NOXRED1: variants seen among roughly 807,000 people sequenced by gnomAD.
The protein encoded by NOXRED1 is NADP-dependent oxidoreductase domain-containing protein 1.
NOXRED1 carries 20 observed loss-of-function variants against 30.4 expected under a neutral mutation model. That is an observed-to-expected ratio of 0.66 (90% CI 0.46 to 0.96). The LOEUF (loss-of-function observed/expected upper bound fraction) is 0.96. NOXRED1 is among the 40% of genes least tolerant of loss of function. The pLI, the probability that NOXRED1 is intolerant of heterozygous loss-of-function variation, is 0.00. For synonymous variants in NOXRED1, 155 were observed against 168.0 expected (o/e 0.92, Z 0.60); for missense variants, 374 against 428.0 (o/e 0.87, Z 1.11).
At chr14:77,408,584 AG>A (rs1894547889) in intron 2 of NOXRED1, among the ~76,000 whole-genome samples, 1 of 152,140 alleles carries the variant, frequency 6.6e-6, no homozygotes, top group Non-Finnish European at 1.5e-5. Context: ...TAATGTACAA[AG>A]GACTTTACAG....
rs749002413 is a variant in NOXRED1 at position 77,405,994 on chromosome 14, CCA to C, written c.822_823del (p.Cys274TrpfsTer34). On this transcript the variant is annotated frameshift_variant, in exon 5 of 6. Coordinates refer to ENST00000380835, the MANE Select transcript of NOXRED1 (RefSeq NM_001113475.3). LOFTEE classifies it high-confidence loss of function. ...CTTTGGGCAAGATGCTGTGTCTTTC[CCA>C]CAGTCTTCAAAGTGCACGGAGAGAA... is the stretch of plus-strand genomic sequence containing the variant. 2 of 1,613,732 alleles carry C rather than the reference CCA, an allele frequency of 1.2e-6. No homozygotes were observed. The highest frequency in any genetic ancestry group is 4.5e-5 in the East Asian group (2 of 44,872).
chr14:77,416,456 C>A (rs1295866853), intron 1 of NOXRED1, among the ~76,000 whole-genome samples: 2 of 152,078 alleles, frequency 1.3e-5, no homozygotes, highest in Non-Finnish European at 2.9e-5. Context: ...CATCTTGCAC[C>A]GCCCTTAATC....
chr14:77,399,232 A>C (rs569068526), intron 5 of NOXRED1, among the ~76,000 whole-genome samples: 26 of 152,206 alleles, frequency 1.7e-4, no homozygotes, highest in African/African-American at 5.8e-4. Context: ...CCGAGGTGGG[A>C]GGATTGTTTG....
At chr14:77,401,180 C>T (rs1254463154) in intron 5 of NOXRED1, among the ~76,000 whole-genome samples, 1 of 151,966 alleles carries the variant, frequency 6.6e-6, no homozygotes, top group African/African-American at 2.4e-5. Flanking sequence ...TGAGACCAGC[C>T]TGGCCAACAT....
intron 1 of NOXRED1, among the ~76,000 whole-genome samples, chr14:77,421,430 C>A (rs1894989441): frequency 3.3e-5 from 5 of 152,188 alleles, no homozygotes; most frequent in Admixed American, 3.3e-4. Flanking sequence ...GATGTGAGTG[C>A]ATTCCTTTCC....
intron 5 of NOXRED1, among the ~76,000 whole-genome samples, chr14:77,399,297 T>TA (rs1409329385): frequency 6.6e-6 from 1 of 151,394 alleles, no homozygotes; most frequent in Non-Finnish European, 1.5e-5. Flanking sequence ...CTACAAATAA[T>TA]AAAAAAAACT....
At chr14:77,420,198 A>G (rs1894950334) in intron 1 of NOXRED1, among the ~76,000 whole-genome samples, 1 of 152,094 alleles carries the variant, frequency 6.6e-6, no homozygotes, top group Non-Finnish European at 1.5e-5. Flanking sequence ...AATTTCAAAT[A>G]ACTGGTCTTC....
intron 2 of NOXRED1, among the ~76,000 whole-genome samples, chr14:77,409,054 T>A (rs176770): frequency 1 from 151,998 of 152,000 alleles, 75,998 homozygotes; most frequent in Middle Eastern, 1. Flanking sequence ...CCTAAAGTGT[T>A]CACTCACATC....
At chr14:77,419,270 A>C (rs1217073350) in intron 1 of NOXRED1, among the ~76,000 whole-genome samples, 15 of 150,722 alleles carry the variant, frequency 1.0e-4, no homozygotes, top group African/African-American at 3.7e-4. Flanking sequence ...ACAGGGTTTC[A>C]CCACGTTGGC....
chr14:77,409,749 T>C (rs183338392), intron 2 of NOXRED1, among the ~76,000 whole-genome samples: 5 of 152,262 alleles, frequency 3.3e-5, no homozygotes, highest in Admixed American at 2.6e-4. Context: ...AGAATATATA[T>C]ACTTTGTTGA....
At chr14:77,420,503 T>A (rs1324269307) in intron 1 of NOXRED1, among the ~76,000 whole-genome samples, 1 of 151,816 alleles carries the variant, frequency 6.6e-6, no homozygotes, top group Non-Finnish European at 1.5e-5. Context: ...CTGTAATTTG[T>A]AATTTGTAAT....
At chr14:77,412,753 T>C (rs1274743547) in intron 2 of NOXRED1, among the ~76,000 whole-genome samples, 1 of 152,164 alleles carries the variant, frequency 6.6e-6, no homozygotes, top group Non-Finnish European at 1.5e-5. Flanking sequence ...CCTCAGGTGA[T>C]CTGCCCACCT....
chr14:77,398,187 C>T (rs1007998320), intron 5 of NOXRED1, among the ~76,000 whole-genome samples: 1 of 152,092 alleles, frequency 6.6e-6, no homozygotes, highest in Non-Finnish European at 1.5e-5. Context: ...TCAGAGTGGA[C>T]AAGTCTGAGA....
intron 5 of NOXRED1, among the ~76,000 whole-genome samples, chr14:77,405,168 G>A (rs996553867): frequency 2.0e-5 from 3 of 152,214 alleles, no homozygotes; most frequent in African/African-American, 7.2e-5. Flanking sequence ...GCCAAGGCGG[G>A]CGGATCACTT....
intron 2 of NOXRED1, among the ~76,000 whole-genome samples, chr14:77,412,941 C>G (rs538508920): frequency 3.0e-3 from 462 of 151,822 alleles, no homozygotes; most frequent in Non-Finnish European, 4.8e-3. Flanking sequence ...AGGAAATAAC[C>G]CGAGTAGATT....
At chr14:77,419,763 T>A (rs1396763498) in intron 1 of NOXRED1, among the ~76,000 whole-genome samples, 1 of 152,076 alleles carries the variant, frequency 6.6e-6, no homozygotes, top group East Asian at 1.9e-4. Context: ...GTTTTTTTTT[T>A]CTTTCCCCTT....
At chr14:77,417,932 G>T (rs924495058) in intron 1 of NOXRED1, among the ~76,000 whole-genome samples, 1 of 148,058 alleles carries the variant, frequency 6.8e-6, no homozygotes, top group Non-Finnish European at 1.5e-5. Context: ...TTTGTTGTTG[G>T]TATTTTCTTT....
chr14:77,395,879 T>G (rs868858727), intron 5 of NOXRED1, among the ~76,000 whole-genome samples: 2 of 151,816 alleles, frequency 1.3e-5, no homozygotes, highest in African/African-American at 2.4e-5. Flanking sequence ...TATAGTGTAA[T>G]TCAAGTTAAA....
chr14:77,420,817 G>A (rs1389012254), intron 1 of NOXRED1, among the ~76,000 whole-genome samples: 1 of 152,182 alleles, frequency 6.6e-6, no homozygotes, highest in Non-Finnish European at 1.5e-5. Flanking sequence ...CCCAGCTAGA[G>A]ATTCTGGGGC....
Sources: allele counts gnomAD v4.1 joint callset (sites outside exome capture counted in the v4.1 genomes callset), GRCh38; gene constraint gnomAD v4.1.1; transcripts MANE v1.5; gene names NCBI Gene and HGNC (gene_info 2026-07-23, HGNC 2026-07-21).